The following LRRC7 variants were observed in gnomAD, a reference collection of about 807,000 sequenced individuals.
LRRC7 encodes leucine-rich repeat-containing protein 7.
A neutral mutation model predicts 175.7 loss-of-function variants in LRRC7; 23 were observed. The observed-to-expected ratio is 0.13, with a 90% CI of 0.09 to 0.19. The LOEUF (loss-of-function observed/expected upper bound fraction) is 0.19, where lower values mean the gene tolerates loss of function less well. LRRC7 is among the 10% of genes least tolerant of loss of function. LRRC7 has a pLI of 1.00. For missense variants in LRRC7, 1,354 were observed against 1,904.7 expected, an observed-to-expected ratio of 0.71 and a Z score of 5.38; for synonymous variants, 685 against 680.9, an observed-to-expected ratio of 1.01 and a Z score of -0.09.
intron 8 of LRRC7, among the ~76,000 whole-genome samples, chr1:69,965,005 G>C (rs1570830925): frequency 6.6e-6 from 1 of 152,228 alleles, no homozygotes; most frequent in Non-Finnish European, 1.5e-5. Flanking sequence ...GACATTGAGA[G>C]AAAAGATTTG....
At chr1:70,105,114 G>A (rs750720308) in intron 25 of LRRC7, among the ~76,000 whole-genome samples, 3 of 152,194 alleles carry the variant, frequency 2.0e-5, no homozygotes, top group Admixed American at 6.5e-5. Flanking sequence ...AATGATGGAA[G>A]ATGAGAGCTA....
chr1:69,656,872 A>G (rs1322959863), intron 1 of LRRC7, among the ~76,000 whole-genome samples: 2 of 151,924 alleles, frequency 1.3e-5, no homozygotes, highest in Non-Finnish European at 2.9e-5. Flanking sequence ...GTAGAAATAA[A>G]CAATTTTAGC....
At chr1:69,628,827 T>G (rs1209752590) in intron 1 of LRRC7, among the ~76,000 whole-genome samples, 1 of 152,140 alleles carries the variant, frequency 6.6e-6, no homozygotes, top group Non-Finnish European at 1.5e-5. Context: ...TAGAATATAG[T>G]CAATTTATCT....
chr1:69,990,540 G>T (rs1420398318), intron 10 of LRRC7, among the ~76,000 whole-genome samples: 1 of 151,956 alleles, frequency 6.6e-6, no homozygotes, highest in Non-Finnish European at 1.5e-5. Flanking sequence ...GTTTAGACAG[G>T]ATTAAGGAAT....
At chr1:69,854,975 T>G (rs565547413) in intron 7 of LRRC7, among the ~76,000 whole-genome samples, 55 of 152,274 alleles carry the variant, frequency 3.6e-4, no homozygotes, top group African/African-American at 1.3e-3. Context: ...CTTTCATACC[T>G]TAGAGCAGGG....
chr1:70,023,897 G>A (rs147654501), intron 17 of LRRC7, among the ~76,000 whole-genome samples: 4 of 152,064 alleles, frequency 2.6e-5, no homozygotes, highest in African/African-American at 4.8e-5. Flanking sequence ...GACACAAATC[G>A]TATGAATTCC....
intron 1 of LRRC7, 104 bp downstream of exon 1, chr1:69,568,745 G>A (rs948001849): frequency 1.3e-6 from 1 of 772,746 alleles, no homozygotes; most frequent in Non-Finnish European, 1.7e-6. Context: ...GCCGGGGGCG[G>A]GGGTGGCAGG....
chr1:69,641,508 T>A (rs1247293555), intron 1 of LRRC7, among the ~76,000 whole-genome samples: 4 of 151,574 alleles, frequency 2.6e-5, no homozygotes, highest in Non-Finnish European at 5.9e-5. Flanking sequence ...ATTACTAAAT[T>A]TATCATATTA....
intron 21 of LRRC7, among the ~76,000 whole-genome samples, chr1:70,042,686 A>G (rs186847190): frequency 2.0e-4 from 30 of 152,238 alleles, no homozygotes; most frequent in Admixed American, 2.0e-3. Flanking sequence ...CTGAGAGAGC[A>G]CTAGACTGGA....
intron 1 of LRRC7, among the ~76,000 whole-genome samples, chr1:69,643,747 A>T (rs1321878041): frequency 6.6e-6 from 1 of 152,116 alleles, no homozygotes; most frequent in East Asian, 1.9e-4. Flanking sequence ...AGTTGACAGA[A>T]ATTCCAAAAT....
intron 7 of LRRC7, among the ~76,000 whole-genome samples, chr1:69,871,013 T>A (rs7543750): frequency 0.46 from 70,169 of 151,970 alleles, 16,492 homozygotes; most frequent in East Asian, 0.55. Context: ...CTGCTCTAGC[T>A]GATGACTGCA....
At chr1:69,919,413 A>G in intron 7 of LRRC7, 1 of 777,054 alleles carries the variant, frequency 1.3e-6, no homozygotes, top group Non-Finnish European at 2.1e-6. Context: ...GCCGCCCCTC[A>G]GGCCGAGGGT....
chr1:70,108,580 G>A (rs758836560), intron 26 of LRRC7, among the ~76,000 whole-genome samples: 29 of 151,958 alleles, frequency 1.9e-4, no homozygotes, highest in Admixed American at 3.9e-4. Context: ...AAGCATTATC[G>A]ATGTATTTAA....
At chr1:69,759,719 A>G (rs1280511206) in intron 2 of LRRC7, among the ~76,000 whole-genome samples, 1 of 152,064 alleles carries the variant, frequency 6.6e-6, no homozygotes, top group Non-Finnish European at 1.5e-5. Flanking sequence ...TGTGGGCTAC[A>G]AAGAGTACAT....
At chr1:69,974,725 C>A (rs1381314327) in intron 8 of LRRC7, among the ~76,000 whole-genome samples, 1 of 152,198 alleles carries the variant, frequency 6.6e-6, no homozygotes, top group Non-Finnish European at 1.5e-5. Context: ...TATGCTTTAT[C>A]TGTGCTATTC....
intron 1 of LRRC7, among the ~76,000 whole-genome samples, chr1:69,585,499 G>T (rs1279451249): frequency 4.6e-5 from 7 of 152,132 alleles, no homozygotes. Flanking sequence ...CATTTGCATA[G>T]ATCAGGCTAG....
chr1:69,993,937 A>T (rs765594254), intron 10 of LRRC7, among the ~76,000 whole-genome samples: 6 of 152,186 alleles, frequency 3.9e-5, no homozygotes, highest in Admixed American at 2.6e-4. Context: ...CATTAAGGGT[A>T]TGGAGGCCAT....
At chr1:69,798,185 G>T (rs973458147) in intron 4 of LRRC7, among the ~76,000 whole-genome samples, 1 of 152,110 alleles carries the variant, frequency 6.6e-6, no homozygotes, top group African/African-American at 2.4e-5. Context: ...CTCCCAAAGT[G>T]CTGGGATTAC....
intron 10 of LRRC7, among the ~76,000 whole-genome samples, chr1:69,987,001 T>C (rs1653991822): frequency 1.3e-5 from 2 of 152,152 alleles, no homozygotes; most frequent in South Asian, 4.2e-4. Flanking sequence ...CCCAGCACTA[T>C]GGGAGGCCAA....
Sources: allele counts gnomAD v4.1 joint callset (sites outside exome capture counted in the v4.1 genomes callset), GRCh38; gene constraint gnomAD v4.1.1; transcripts MANE v1.5; gene names NCBI Gene and HGNC (gene_info 2026-07-23, HGNC 2026-07-21).